The following DOCK8 variants were observed in gnomAD, a reference collection of about 807,000 sequenced individuals.
The protein encoded by DOCK8 is dedicator of cytokinesis 8.
In DOCK8, 141 loss-of-function variants were observed where a neutral mutation model predicts 245.6. The observed-to-expected ratio is 0.57, with a 90% confidence interval of 0.50 to 0.66. DOCK8 has a LOEUF of 0.66. Among genes scored for constraint, DOCK8 ranks in the 30% least tolerant of loss-of-function variants. The pLI is 0.00. For missense variants in DOCK8, 2,965 were observed against 2,603.4 expected (o/e 1.14, Z -3.02); for synonymous variants, 1,168 against 970.2 (o/e 1.20, Z -3.79).
chr9:450,495 C>T (rs113037332), intron 45 of DOCK8, among the ~76,000 whole-genome samples: 1 of 152,302 alleles, frequency 6.6e-6, no homozygotes, highest in African/African-American at 2.4e-5. Flanking sequence ...GCATGGTGCT[C>T]AAGCAGTCTC....
At chr9:370,018 G>A (rs2053212261) in intron 15 of DOCK8, 2 of 599,612 alleles carry the variant, frequency 3.3e-6, no homozygotes, top group Non-Finnish European at 3.0e-6. Flanking sequence ...GCCCAGGCTG[G>A]TCTCCAACTC....
chr9:451,877 ATATATACATATATATG>A (rs1398081154), intron 45 of DOCK8, 118 bp from the exon 46 acceptor site: 1 of 213,468 alleles, frequency 4.7e-6, no homozygotes, highest in Non-Finnish European at 8.2e-6. Flanking sequence ...GTGTGTATAT[ATATATACATATATATG>A]CATATACATA....
At chr9:260,874 G>C (rs954475242) in intron 1 of DOCK8, among the ~76,000 whole-genome samples, 6 of 152,196 alleles carry the variant, frequency 3.9e-5, no homozygotes, top group African/African-American at 1.4e-4. Context: ...AATGAACAAT[G>C]GGTGAACACT....
intron 40 of DOCK8, among the ~76,000 whole-genome samples, chr9:440,218 C>T (rs536758561): frequency 2.6e-5 from 4 of 152,240 alleles, no homozygotes; most frequent in African/African-American, 9.6e-5. Flanking sequence ...CAGGATTTCA[C>T]CCTGTTGGCC....
At chr9:461,406 T>A (rs2057801218) in intron 46 of DOCK8, among the ~76,000 whole-genome samples, 1 of 152,108 alleles carries the variant, frequency 6.6e-6, no homozygotes, top group South Asian at 2.1e-4. Flanking sequence ...CATATTTTTT[T>A]ATTTTTTAAA....
intron 9 of DOCK8, 36 bp from the exon 10 acceptor site, chr9:332,362 T>C (rs767664388): frequency 1.4e-6 from 2 of 1,431,146 alleles, no homozygotes; most frequent in Non-Finnish European, 2.0e-6. Flanking sequence ...TGGATGTAAT[T>C]TATGTGCCTT....
At chr9:276,857 G>A (rs1438028602) in intron 2 of DOCK8, 1 of 173,514 alleles carries the variant, frequency 5.8e-6, no homozygotes, top group South Asian at 8.7e-5. Context: ...CGCCCAGGCT[G>A]GAGTGCAGTG....
At chr9:251,777 A>G (rs1290240739) in intron 1 of DOCK8, among the ~76,000 whole-genome samples, 1 of 152,154 alleles carries the variant, frequency 6.6e-6, no homozygotes, top group African/African-American at 2.4e-5. Context: ...GAAAGCACTC[A>G]TTAAGTGTGA....
At chr9:226,884 G>A (rs1251771317) in intron 1 of DOCK8, among the ~76,000 whole-genome samples, 1 of 152,014 alleles carries the variant, frequency 6.6e-6, no homozygotes, top group East Asian at 1.9e-4. Context: ...TACATAAGAA[G>A]GAAAAAATAT....
chr9:292,493 A>G (rs2049088523), intron 4 of DOCK8, among the ~76,000 whole-genome samples: 1 of 151,178 alleles, frequency 6.6e-6, no homozygotes, highest in Admixed American at 6.6e-5. Flanking sequence ...TATTTGATAA[A>G]AGGTTGTCTT....
intron 24 of DOCK8, among the ~76,000 whole-genome samples, chr9:391,196 G>A (rs2131358314): frequency 6.6e-6 from 1 of 152,260 alleles, no homozygotes; most frequent in South Asian, 2.1e-4. Flanking sequence ...ATTCTTCTCT[G>A]TAGATTTCAG....
chr9:387,308 T>C (rs2053996840), intron 23 of DOCK8, among the ~76,000 whole-genome samples: 1 of 152,056 alleles, frequency 6.6e-6, no homozygotes, highest in Non-Finnish European at 1.5e-5. Flanking sequence ...CCGGGCATGA[T>C]GGCAGGCACC....
At chr9:265,121 G>A (rs1049580699) in intron 1 of DOCK8, among the ~76,000 whole-genome samples, 7 of 152,196 alleles carry the variant, frequency 4.6e-5, no homozygotes, top group African/African-American at 4.8e-5. Context: ...TAGTAGAGAC[G>A]GGGTCTCACC....
chr9:236,605 G>A (rs570508336), intron 1 of DOCK8, among the ~76,000 whole-genome samples: 9 of 152,268 alleles, frequency 5.9e-5, no homozygotes, highest in East Asian at 3.9e-4. Flanking sequence ...AATTCCAGGA[G>A]CCTGGCTTAA....
At chr9:397,049 G>T in intron 25 of DOCK8, 115 bp downstream of exon 25, 21 of 1,235,586 alleles carry the variant, frequency 1.7e-5, no homozygotes, top group Non-Finnish European at 2.2e-5. Flanking sequence ...TAACTGTAAT[G>T]ACAGTTAAAC....
At chr9:404,227 A>G (rs1345698889) in intron 26 of DOCK8, among the ~76,000 whole-genome samples, 2 of 151,788 alleles carry the variant, frequency 1.3e-5, no homozygotes. Flanking sequence ...TGGGGGAAGC[A>G]AGGGGTCTCT....
chr9:288,131 C>G (rs1047378726), intron 3 of DOCK8, among the ~76,000 whole-genome samples: 1 of 151,808 alleles, frequency 6.6e-6, no homozygotes, highest in African/African-American at 2.4e-5. Context: ...ATACTGTTGC[C>G]TTGTCAAAAG....
At position 439,282 on chromosome 9, in the gene DOCK8, C is replaced by T. The variant is rs144987765; in HGVS notation, c.5117C>T (p.Ser1706Phe). 1.4e-5 allele frequency: 23 copies of T among 1,614,178 alleles called. No homozygotes were observed. In the African/African-American group the frequency reaches 2.5e-4, roughly 18 times the overall value. The change falls in exon 40 of 48, where the codon TCT becomes TTT. Residue 1706 changes from serine (S) to phenylalanine (F), a missense_variant. Transcript: ENST00000432829. Reference protein sequence around the residue: ...SSNVLEESVVSEDTLSPDEDG... With the variant: ...SSNVLEESVVFEDTLSPDEDG... ...AATGTGCTGGAGGAGTCTGTGGTCT[C>T]TGAGGACACCCTGTCACCTGACGAG...
At position 442,103 on chromosome 9, in the gene DOCK8, G is replaced by A. The variant is rs2057112668; in HGVS notation, c.5490+94G>A. 9 of 1,540,942 alleles carry A rather than the reference G, an allele frequency of 5.8e-6. No homozygotes were observed. In the Admixed American group the frequency reaches 1.4e-4, roughly 23 times the overall value. Reference sequence around the variant, plus strand: ...CAAAAATAAACAAATAAAGAGTTATGGATTCATCATTGATCTCTACATAAA... The same window carrying A: ...CAAAAATAAACAAATAAAGAGTTATAGATTCATCATTGATCTCTACATAAA... On this transcript the variant is annotated intron_variant, in intron 42 of 47. Transcript: ENST00000432829.
Sources: allele counts gnomAD v4.1 joint callset (sites outside exome capture counted in the v4.1 genomes callset), GRCh38; gene constraint gnomAD v4.1.1; transcripts MANE v1.5; gene names NCBI Gene and HGNC (gene_info 2026-07-23, HGNC 2026-07-21).